The following EPHX1 variants were observed in gnomAD, a reference collection of about 807,000 sequenced individuals.
The protein encoded by EPHX1 is epoxide hydratase.
Under a neutral mutation model 43.2 loss-of-function variants are expected in EPHX1, and 40 were observed. The ratio of observed to expected loss-of-function variants is 0.93; its 90% CI spans 0.72 to 1.21. The LOEUF (loss-of-function observed/expected upper bound fraction) is 1.21. Ranked by LOEUF, EPHX1 falls within the 50% of genes most tolerant of loss-of-function variation. The pLI is 0.00. For missense variants in EPHX1, 550 were observed against 570.4 expected (o/e 0.96, Z 0.36); for synonymous variants, 221 against 226.7 (o/e 0.98, Z 0.22).
chr1:225,833,934 T>TA (rs1667786151), intron 3 of EPHX1, among the ~76,000 whole-genome samples: 1 of 148,050 alleles, frequency 6.8e-6, no homozygotes, highest in Admixed American at 6.8e-5. Context: ...CCGTCTCTAC[T>TA]AAAAATACAA....
intron 2 of EPHX1, among the ~76,000 whole-genome samples, chr1:225,831,546 CAAAAAAAA>C (rs75126131): frequency 9.6e-6 from 1 of 104,702 alleles, no homozygotes; most frequent in South Asian, 2.9e-4. Context: ...GACCCTATCT[CAAAAAAAA>C]AAAAAGAAAA....
intron 1 of EPHX1, 47 bp downstream of exon 1, chr1:225,810,216 C>T (rs1041163630): frequency 6.6e-6 from 1 of 151,326 alleles, no homozygotes; most frequent in Admixed American, 6.6e-5. Flanking sequence ...GACGCAGACG[C>T]GGTTCGGGCT....
In EPHX1 at chr1:225,828,889, G is replaced by A. The variant is rs1350712008; in HGVS notation, c.160G>A (p.Glu54Lys). 3 of 1,587,778 alleles carry A rather than the reference G, an allele frequency of 1.9e-6. No homozygotes were observed. Among genetic ancestry groups the A allele is most frequent in the Non-Finnish European group, 2.6e-6 (3 of 1,164,466 alleles). ...CGACAGCATCCGCCCTTTCAAGGTG[G>A]AAACGTCAGATGAGGAGATCCACGT... ...EDDSIRPFKV[E>K]TSDEEIHDLH... The change falls in exon 2 of 9, where the codon GAA (glutamate) becomes AAA (lysine). Residue 54 changes from glutamate (E) to lysine (K), a missense_variant. By Grantham distance (56) the Glu-to-Lys change is moderately conservative. Coordinates refer to ENST00000272167, the MANE Select transcript of EPHX1 (RefSeq NM_001136018.4).
At chr1:225,836,978 T>C (rs1464968109) in intron 3 of EPHX1, among the ~76,000 whole-genome samples, 1 of 152,254 alleles carries the variant, frequency 6.6e-6, no homozygotes, top group African/African-American at 2.4e-5. Context: ...ATCAATGGAC[T>C]TTATAGTTAA....
chr1:225,824,702 G>A (rs1246087395), intron 1 of EPHX1, among the ~76,000 whole-genome samples: 1 of 152,204 alleles, frequency 6.6e-6, no homozygotes, highest in Non-Finnish European at 1.5e-5. Context: ...TGGAGCCGTG[G>A]TGACCCCCTC....
At chr1:225,831,657 G>C in intron 2 of EPHX1, 122 bp from the exon 3 acceptor site, 1 of 923,414 alleles carries the variant, frequency 1.1e-6, no homozygotes, top group Non-Finnish European at 1.7e-6. Context: ...AAACTGCCTT[G>C]CCACTCCCAG....
chr1:225,814,328 G>A (rs1666620651), intron 1 of EPHX1, among the ~76,000 whole-genome samples: 2 of 152,188 alleles, frequency 1.3e-5, no homozygotes, highest in African/African-American at 4.8e-5. Flanking sequence ...GAGCCCAAGA[G>A]TTCAAGACCA....
chr1:225,818,444 C>T (rs1220807195), intron 1 of EPHX1, among the ~76,000 whole-genome samples: 2 of 151,990 alleles, frequency 1.3e-5, no homozygotes, highest in East Asian at 1.9e-4. Flanking sequence ...TCAGGAGAGG[C>T]TACCCAGAGG....
rs1298227946 is a variant in EPHX1 at position 225,817,989 on chromosome 1, T to C, written c.-6+7820T>C. ...TTTACTTTGTGTGGCCGGATCTGAG[T>C]CTGACCCCATCTTTTTAGACCCAAA... On this transcript the variant is annotated intron_variant, in intron 1 of 8. Transcript: ENST00000272167. This position sits in a 1 kb window ranked among gnomAD's most constrained non-coding sequence, Gnocchi z 5.7. Among the ~76,000 whole-genome samples, 1 of 152,132 alleles carries C rather than the reference T, an allele frequency of 6.6e-6. No individual in the cohort carries two copies. Among genetic ancestry groups the C allele is most frequent in the Non-Finnish European group, 1.5e-5 (1 of 68,022 alleles).
At chr1:225,825,991 T>G (rs530428312) in intron 1 of EPHX1, among the ~76,000 whole-genome samples, 1 of 152,376 alleles carries the variant, frequency 6.6e-6, no homozygotes, top group South Asian at 2.1e-4. Flanking sequence ...AACGTCTTTC[T>G]GGAAATGAAA....
At chr1:225,813,712 A>G (rs919395150) in intron 1 of EPHX1, among the ~76,000 whole-genome samples, 1 of 152,174 alleles carries the variant, frequency 6.6e-6, no homozygotes, top group Non-Finnish European at 1.5e-5. Context: ...GCATTCCAGG[A>G]GATGGGTTCA....
chr1:225,836,762 A>G (rs1667990185), intron 3 of EPHX1, among the ~76,000 whole-genome samples: 1 of 152,190 alleles, frequency 6.6e-6, no homozygotes, highest in African/African-American at 2.4e-5. Context: ...CAGAGAGGAG[A>G]AGGGTGGTTG....
intron 1 of EPHX1, among the ~76,000 whole-genome samples, chr1:225,816,067 C>T (rs946732125): frequency 2.0e-5 from 3 of 152,112 alleles, no homozygotes; most frequent in Non-Finnish European, 4.4e-5. Flanking sequence ...CCAAAGCAGG[C>T]GGATCGCTTA....
chr1:225,837,380 G>T (rs563377775), intron 3 of EPHX1, among the ~76,000 whole-genome samples: 1 of 152,216 alleles, frequency 6.6e-6, no homozygotes, highest in African/African-American at 2.4e-5. Flanking sequence ...GCTGTCCAGG[G>T]CACTGGCCTG....
At chr1:225,845,114 C>G in intron 8 of EPHX1, 32 bp from the exon 9 acceptor site, 1 of 1,612,456 alleles carries the variant, frequency 6.2e-7, no homozygotes, top group East Asian at 2.2e-5. Context: ...AGGGCCACAG[C>G]CTCACCCCTC....
chr1:225,814,444 A>G (rs1265197779), intron 1 of EPHX1, among the ~76,000 whole-genome samples: 3 of 152,178 alleles, frequency 2.0e-5, no homozygotes, highest in African/African-American at 7.2e-5. Context: ...AAGTCTTCCC[A>G]CCCCAGTGTC....
chr1:225,816,723 G>A (rs1575978580), intron 1 of EPHX1, among the ~76,000 whole-genome samples: 1 of 152,192 alleles, frequency 6.6e-6, no homozygotes, highest in East Asian at 1.9e-4. Flanking sequence ...GGGCCACGGA[G>A]GCCTGGAGAA....
At chr1:225,842,522 C>T in intron 7 of EPHX1, 48 bp downstream of exon 7, 4 of 1,286,526 alleles carry the variant, frequency 3.1e-6, no homozygotes, top group Non-Finnish European at 4.5e-6. Context: ...TCCCAGCAGC[C>T]AACCTCCTCA....
intron 3 of EPHX1, among the ~76,000 whole-genome samples, chr1:225,834,055 G>A (rs1205179321): frequency 1.6e-4 from 21 of 127,438 alleles, no homozygotes; most frequent in South Asian, 8.4e-4. Context: ...CCCAGATTGC[G>A]CCACTGCACT....
Sources: gnomAD v4.1 joint callset for allele counts (sites outside exome capture counted in the v4.1 genomes callset) on GRCh38, gnomAD v4.1.1 for gene constraint, Gnocchi (gnomAD v3.1) non-coding constraint, MANE v1.5 for transcripts, NCBI Gene and HGNC (gene_info 2026-07-23, HGNC 2026-07-21) for gene names.